Variants in SRGAP2 observed in about 807,000 individuals in gnomAD.
SRGAP2 encodes SLIT-ROBO Rho GTPase activating protein 2.
A neutral mutation model predicts 57.2 loss-of-function variants in SRGAP2; 15 were observed. That is an observed-to-expected ratio of 0.26 (90% confidence interval 0.18 to 0.40). SRGAP2 has a LOEUF of 0.40. Among genes scored for constraint, SRGAP2 ranks in the 10% least tolerant of loss-of-function variants. The probability of loss-of-function intolerance (pLI) is 1.00; values close to 1 mark genes in which losing one functional copy is unlikely to be tolerated. For synonymous variants in SRGAP2, 249 were observed against 248.0 expected (o/e 1.00, Z -0.04); for missense variants, 520 against 669.6 (o/e 0.78, Z 2.47).
At chr1:206,255,306 C>T (rs562120316) in intron 2 of SRGAP2, among the ~76,000 whole-genome samples, 1 of 151,332 alleles carries the variant, frequency 6.6e-6, no homozygotes, top group East Asian at 2.0e-4. Flanking sequence ...GGTTGTAGTG[C>T]ACTTTTGACA....
intron 2 of SRGAP2, among the ~76,000 whole-genome samples, chr1:206,251,641 G>A (rs1333715301): frequency 4.0e-5 from 6 of 150,642 alleles, no homozygotes; most frequent in Admixed American, 1.3e-4. Context: ...TCTGGACAAC[G>A]TGGACCTTGA....
chr1:206,325,213 G>C (rs1286343626), intron 3 of SRGAP2, among the ~76,000 whole-genome samples: 5 of 151,994 alleles, frequency 3.3e-5, no homozygotes, highest in African/African-American at 9.7e-5. Flanking sequence ...TTTTGATCAT[G>C]AATCTCTATA....
intron 10 of SRGAP2, among the ~76,000 whole-genome samples, chr1:206,414,850 G>A (rs782728621): frequency 6.6e-6 from 1 of 152,208 alleles, no homozygotes; most frequent in Non-Finnish European, 1.5e-5. Context: ...AATATGCGGT[G>A]AAGTGCTCTA....
At chr1:206,442,843 C>T (rs1284298932) in intron 17 of SRGAP2, among the ~76,000 whole-genome samples, 5 of 152,218 alleles carry the variant, frequency 3.3e-5, no homozygotes, top group Non-Finnish European at 7.3e-5. Context: ...TGGCAGGTAG[C>T]TCCCGATGCA....
chr1:206,460,720 C>T (rs770604241), intron 22 of SRGAP2, among the ~76,000 whole-genome samples: 9 of 152,128 alleles, frequency 5.9e-5, no homozygotes, highest in Non-Finnish European at 1.0e-4. Context: ...TTACTTTGTC[C>T]GTGTTTCTCT....
At chr1:206,406,698 TG>T (rs1156584045) in intron 10 of SRGAP2, 124 bp downstream of exon 10, 1 of 718,902 alleles carries the variant, frequency 1.4e-6, no homozygotes, top group African/African-American at 1.8e-5. Flanking sequence ...GATACGAATG[TG>T]GGCATACTCA....
chr1:206,311,467 A>G (rs1326123294), intron 3 of SRGAP2, among the ~76,000 whole-genome samples: 33 of 152,172 alleles, frequency 2.2e-4, no homozygotes, highest in African/African-American at 7.5e-4. Flanking sequence ...AGCTTAATAC[A>G]GTTGAGACAA....
chr1:206,376,015 T>C (rs1655165490), intron 4 of SRGAP2, among the ~76,000 whole-genome samples: 1 of 149,698 alleles, frequency 6.7e-6, no homozygotes, highest in Non-Finnish European at 1.5e-5. Flanking sequence ...TTTGGTATTC[T>C]GTGACCTAGG....
At chr1:206,337,889 T>A (rs1214943160) in intron 3 of SRGAP2, among the ~76,000 whole-genome samples, 2 of 150,786 alleles carry the variant, frequency 1.3e-5, no homozygotes, top group Non-Finnish European at 3.0e-5. Context: ...GACTTGGCTC[T>A]TCACCATGGA....
At chr1:206,432,453 T>C (rs1161603585) in intron 14 of SRGAP2, among the ~76,000 whole-genome samples, 7 of 152,200 alleles carry the variant, frequency 4.6e-5, no homozygotes, top group African/African-American at 1.7e-4. Flanking sequence ...TCTCCAACAA[T>C]ACAAAAATGC....
intron 2 of SRGAP2, among the ~76,000 whole-genome samples, chr1:206,218,823 AG>A (rs1468957947): frequency 1.3e-5 from 1 of 76,982 alleles, no homozygotes; most frequent in Non-Finnish European, 2.5e-5. Context: ...TGTTGTGTGC[AG>A]TACTTAAATT....
chr1:206,440,583 C>G (rs1482543038), intron 17 of SRGAP2, among the ~76,000 whole-genome samples: 1 of 151,448 alleles, frequency 6.6e-6, no homozygotes, highest in Non-Finnish European at 1.5e-5. Context: ...GAGTCTTGCT[C>G]TGTCTCCAGG....
intron 13 of SRGAP2, among the ~76,000 whole-genome samples, chr1:206,422,252 T>C (rs1294540424): frequency 6.6e-6 from 1 of 152,204 alleles, no homozygotes; most frequent in African/African-American, 2.4e-5. Context: ...TCTGACAGGG[T>C]GGACCATTAA....
chr1:206,443,797 CATTT>C (rs34333136), intron 17 of SRGAP2, among the ~76,000 whole-genome samples: 11,105 of 152,256 alleles, frequency 0.073, 432 homozygotes, highest in Middle Eastern at 0.085. Context: ...AAACTGTGTG[CATTT>C]ATTTATATGC....
At chr1:206,204,118 ACCCCCCGGCCCGCCCCGATG>A (rs1461375368) in intron 1 of SRGAP2, 26 of 485,546 alleles carry the variant, frequency 5.4e-5, no homozygotes, top group Non-Finnish European at 8.9e-5. Context: ...CCCGAGTCCC[ACCCCCCGGCCCGCCCCGATG>A]GACTTCTCTT....
At chr1:206,427,244 G>C (rs1157581346) in intron 13 of SRGAP2, among the ~76,000 whole-genome samples, 2 of 152,128 alleles carry the variant, frequency 1.3e-5, no homozygotes, top group African/African-American at 4.8e-5. Flanking sequence ...ACTCCCCCCA[G>C]ATTGAGCTTT....
chr1:206,431,808 G>C (rs1406646364), intron 14 of SRGAP2, among the ~76,000 whole-genome samples: 1 of 152,246 alleles, frequency 6.6e-6, no homozygotes, highest in Admixed American at 6.5e-5. Context: ...CAGGGAAAAG[G>C]CCTCTCCTAA....
At chr1:206,258,082 G>A (rs1669305929) in intron 2 of SRGAP2, among the ~76,000 whole-genome samples, 1 of 152,008 alleles carries the variant, frequency 6.6e-6, no homozygotes, top group African/African-American at 2.4e-5. Context: ...AGTCAGTTGA[G>A]GGTGGAGCAC....
intron 2 of SRGAP2, among the ~76,000 whole-genome samples, chr1:206,216,616 A>G (rs1415131696): frequency 6.6e-6 from 1 of 152,016 alleles, no homozygotes; most frequent in African/African-American, 2.4e-5. Flanking sequence ...ATGGTCCCTT[A>G]TGATTTTTCA....
Sources: gnomAD v4.1 joint callset for allele counts (sites outside exome capture counted in the v4.1 genomes callset) on GRCh38, gnomAD v4.1.1 for gene constraint, MANE v1.5 for transcripts, NCBI Gene and HGNC (gene_info 2026-07-23, HGNC 2026-07-21) for gene names.